Variants in GRIP1 observed in about 807,000 individuals in gnomAD.
The protein encoded by GRIP1 is glutamate receptor interacting protein 1.
GRIP1 carries 45 observed loss-of-function variants against 129.9 expected under a neutral mutation model. That is an observed-to-expected ratio of 0.35 (90% CI 0.27 to 0.44). The LOEUF (loss-of-function observed/expected upper bound fraction) is 0.44, where lower values mean the gene tolerates loss of function less well. Ranked by LOEUF, GRIP1 falls within the 20% of genes least tolerant of loss-of-function variation. The probability of loss-of-function intolerance (pLI) is 1.00; values close to 1 mark genes in which losing one functional copy is unlikely to be tolerated. For synonymous variants in GRIP1, 530 were observed against 520.8 expected (o/e 1.02, Z -0.24); for missense variants, 1,196 against 1,396.8 (o/e 0.86, Z 2.29).
rs151185371 is a variant in GRIP1, at chr12:66,714,784, T to G, written c.-419-84448A>C. On this transcript the variant is annotated intron_variant, in intron 1 of 4. Transcript: ENST00000538373. ...AATTCTGTTCAAATATTCCAGGTAGTCAAGCCAGAAAATGGGGAGTCAGCC... is the reference window on the plus strand; with the variant it reads ...AATTCTGTTCAAATATTCCAGGTAGGCAAGCCAGAAAATGGGGAGTCAGCC... Among the ~76,000 whole-genome samples the G allele has an allele frequency of 5.5e-4, 84 of 151,942 alleles. No individual in the cohort carries two copies. In the East Asian group the frequency reaches 0.014, roughly 26 times the overall value.
In GRIP1 at chr12:66,392,295, A is replaced by T; in HGVS notation, c.2464+13T>A. Reference sequence around the variant, plus strand: ...CAATGACAAGTCCTCTGGGGGACAAAGTAAAGACATACCTTGAGTTCCATA... The same window carrying T: ...CAATGACAAGTCCTCTGGGGGACAATGTAAAGACATACCTTGAGTTCCATA... On this transcript the variant is annotated intron_variant, in intron 19 of 24. Transcript: ENST00000359742. 2 of 1,515,446 alleles carry T rather than the reference A, an allele frequency of 1.3e-6. No individual in the cohort carries two copies. Among genetic ancestry groups the T allele is most frequent in the Non-Finnish European group, 9.2e-7 (1 of 1,089,258 alleles). 93.9% of individuals were successfully genotyped at this position (1,515,446 alleles called of 1,614,324 possible).
chr12:66,892,180 C>G (rs970042639), intron 1 of GRIP1, among the ~76,000 whole-genome samples: 3 of 152,074 alleles, frequency 2.0e-5, no homozygotes, highest in Non-Finnish European at 4.4e-5. Context: ...GTAGTGACAG[C>G]TGGAGACTCT....
intron 13 of GRIP1, among the ~76,000 whole-genome samples, chr12:66,439,630 T>C (rs186746188): frequency 3.4e-4 from 52 of 152,310 alleles, no homozygotes; most frequent in Non-Finnish European, 1.5e-4. Flanking sequence ...GACATAATCA[T>C]AGTAATCTCT....
chr12:66,703,489 T>C (rs540934854), intron 1 of GRIP1, among the ~76,000 whole-genome samples: 1 of 152,148 alleles, frequency 6.6e-6, no homozygotes, highest in South Asian at 2.1e-4. Flanking sequence ...GAGGCAATCA[T>C]TCCTGCTGTA....
chr12:66,630,236 G>A (rs1450367815), intron 1 of GRIP1: 1 of 152,104 alleles, frequency 6.6e-6, no homozygotes, highest in African/African-American at 2.4e-5. Context: ...TGTAATCCCA[G>A]GTACTTAGGA....
chr12:66,772,636 A>G (rs2037854411), intron 1 of GRIP1, among the ~76,000 whole-genome samples: 2 of 152,222 alleles, frequency 1.3e-5, no homozygotes, highest in African/African-American at 4.8e-5. Context: ...GCCTCAGGTT[A>G]GAGGGGCACC....
chr12:66,893,942 C>G (rs746199860), intron 1 of GRIP1, among the ~76,000 whole-genome samples: 14 of 152,098 alleles, frequency 9.2e-5, no homozygotes, highest in Non-Finnish European at 2.1e-4. Flanking sequence ...CCCGCTCTAG[C>G]TTCATCTCTA....
chr12:66,983,498 A>T lies in GRIP1; in HGVS notation c.58+85552T>A, dbSNP rs7954019. 1.7e-4 allele frequency among the ~76,000 whole-genome samples: 26 copies of T among 152,296 alleles called. No individual in the cohort carries two copies. In the South Asian group the frequency reaches 2.9e-3, roughly 17 times the overall value. On this transcript the variant is annotated intron_variant, in intron 1 of 1. Transcript: ENST00000643019. ...TTTTAACTCTTAGCAATATTTTTTT[A>T]AAAAACCCAATTTACTAGTAAGTTT...
chr12:66,721,466 C>T (rs917063041), intron 1 of GRIP1, among the ~76,000 whole-genome samples: 6 of 151,974 alleles, frequency 3.9e-5, no homozygotes, highest in African/African-American at 1.2e-4. Context: ...GTAGAGAAAG[C>T]GTTTTATCAT....
chr12:66,687,929 C>T (rs2136303337), intron 1 of GRIP1, among the ~76,000 whole-genome samples: 1 of 152,300 alleles, frequency 6.6e-6, no homozygotes, highest in African/African-American at 2.4e-5. Context: ...TTTGTTAGAA[C>T]TGCTGCAAAG....
At chr12:66,857,570 AAAG>A (rs1270340444) in intron 1 of GRIP1, among the ~76,000 whole-genome samples, 16 of 151,728 alleles carry the variant, frequency 1.1e-4, no homozygotes, top group African/African-American at 3.6e-4. Flanking sequence ...AAAAAAAAAA[AAAG>A]AACAATTTGC....
intron 23 of GRIP1, among the ~76,000 whole-genome samples, chr12:66,360,214 G>T (rs1041552865): frequency 8.6e-5 from 13 of 150,990 alleles, no homozygotes; most frequent in African/African-American, 3.2e-4. Flanking sequence ...CTCCTAGCTG[G>T]TCAGGCAGCC....
intron 1 of GRIP1, among the ~76,000 whole-genome samples, chr12:66,795,345 C>T (rs1566026170): frequency 6.6e-6 from 1 of 152,110 alleles, no homozygotes; most frequent in Non-Finnish European, 1.5e-5. Context: ...ATTTTCTGCA[C>T]CTGAAAATTC....
At chr12:66,660,647 C>T (rs2033440966) in intron 1 of GRIP1, among the ~76,000 whole-genome samples, 1 of 152,122 alleles carries the variant, frequency 6.6e-6, no homozygotes, top group African/African-American at 2.4e-5. Flanking sequence ...CCAGTTTCAG[C>T]CCATTGTTTC....
chr12:66,962,556 C>T (rs1161987531), intron 1 of GRIP1, among the ~76,000 whole-genome samples: 1 of 152,016 alleles, frequency 6.6e-6, no homozygotes, highest in Non-Finnish European at 1.5e-5. Flanking sequence ...GAACTGGGCA[C>T]CCCCTATGAA....
At chr12:66,729,939 T>C (rs1249115062) in intron 1 of GRIP1, among the ~76,000 whole-genome samples, 1 of 152,212 alleles carries the variant, frequency 6.6e-6, no homozygotes, top group Non-Finnish European at 1.5e-5. Context: ...TACTATAGCA[T>C]ATATCTTAAG....
chr12:66,974,049 G>C (rs894500798), intron 1 of GRIP1, among the ~76,000 whole-genome samples: 2 of 150,558 alleles, frequency 1.3e-5, no homozygotes, highest in Non-Finnish European at 3.0e-5. Flanking sequence ...CTAGCCTCCT[G>C]AGTAGGTGGG....
In GRIP1 at chr12:66,769,000, C is replaced by T. The variant is rs142821485; in HGVS notation, c.-420+35053G>A. 2.0e-5 allele frequency among the ~76,000 whole-genome samples: 3 copies of T among 152,314 alleles called. No individual in the cohort carries two copies. In the East Asian group the frequency reaches 5.8e-4, roughly 29 times the overall value. On this transcript the variant is annotated intron_variant, in intron 1 of 4. Transcript: ENST00000538373. ...TATGGGATTCCACAACAGCACTTCG[C>T]CTCCCTAATCCAGTAGGTCTTGTGC...
chr12:66,421,127 G>A (rs947082505), intron 14 of GRIP1, among the ~76,000 whole-genome samples: 11 of 152,160 alleles, frequency 7.2e-5, no homozygotes, highest in African/African-American at 1.9e-4. Context: ...AATCAATTGG[G>A]GGCTCCCCTT....
Sources: gnomAD v4.1 joint callset for allele counts (sites outside exome capture counted in the v4.1 genomes callset) on GRCh38, gnomAD v4.1.1 for gene constraint, MANE v1.5 for transcripts, NCBI Gene and HGNC (gene_info 2026-07-23, HGNC 2026-07-21) for gene names.